Variants in SP140 observed in about 807,000 individuals in gnomAD.
SP140 encodes SP140 nuclear body protein, also known as nuclear body protein SP140.
A neutral mutation model predicts 125.0 loss-of-function variants in SP140; 81 were observed. That is an observed-to-expected ratio of 0.65 (90% CI 0.54 to 0.78). SP140 has a LOEUF of 0.78. SP140 is among the 30% of genes least tolerant of loss of function. SP140 has a pLI of 0.00. For missense variants in SP140, 858 were observed against 1,037.0 expected (o/e 0.83, Z 2.37); for synonymous variants, 312 against 354.0 (o/e 0.88, Z 1.33).
intron 12 of SP140, among the ~76,000 whole-genome samples, chr2:230,260,603 T>G (rs529415223): frequency 6.6e-6 from 1 of 152,366 alleles, no homozygotes; most frequent in Admixed American, 6.5e-5. Flanking sequence ...TTGATCCATC[T>G]TGAGTTGATT....
Position 230,211,422 on chromosome 2 carries a change from A to T in SP140, c.-322-2232A>T. On this transcript the variant is annotated intron_variant, in intron 1 of 4. Transcript: ENST00000456542. This position sits in a 1 kb window ranked among gnomAD's most constrained non-coding sequence, Gnocchi z 4.2. ...GATCCGAATGGCTTTTCCTCTTAGTAAACACAGAAACAAAGGCAAGCTTTT... is the reference window on the plus strand; with the variant it reads ...GATCCGAATGGCTTTTCCTCTTAGTTAACACAGAAACAAAGGCAAGCTTTT... 1 of 1,193,126 alleles carries T rather than the reference A, an allele frequency of 8.4e-7. No individual in the cohort carries two copies. The highest frequency in any genetic ancestry group is 1.3e-6 in the Non-Finnish European group (1 of 795,598). The allele number at this position is 1,193,126 out of a possible 1,614,324, so 73.9% of individuals were successfully genotyped here.
At chr2:230,254,934 G>GC (rs1559267174) in intron 11 of SP140, among the ~76,000 whole-genome samples, 1 of 152,242 alleles carries the variant, frequency 6.6e-6, no homozygotes, top group Admixed American at 6.5e-5. Flanking sequence ...TGTTGCCTTG[G>GC]CCCACTCTGC....
At chr2:230,277,881 T>C (rs532554042) in intron 15 of SP140, among the ~76,000 whole-genome samples, 71 of 152,272 alleles carry the variant, frequency 4.7e-4, no homozygotes, top group African/African-American at 1.7e-3. Context: ...TCCATTCATC[T>C]GTTGATAGAG....
At chr2:230,303,332 T>C (rs1316872231) in intron 22 of SP140, among the ~76,000 whole-genome samples, 3 of 152,066 alleles carry the variant, frequency 2.0e-5, no homozygotes, top group African/African-American at 7.2e-5. Context: ...TTCCTGGAAA[T>C]ATACAACCCT....
chr2:230,222,118 T>C (rs1159074815), upstream of SP140, among the ~76,000 whole-genome samples: 1 of 151,746 alleles, frequency 6.6e-6, no homozygotes, highest in East Asian at 1.9e-4. Flanking sequence ...TAATCCGAGC[T>C]ACTCGGGAGG....
intron 3 of SP140, chr2:230,219,728 TC>T (rs1319786318): frequency 6.1e-6 from 1 of 164,416 alleles, no homozygotes; most frequent in Non-Finnish European, 1.3e-5. Context: ...TTTAACAGTC[TC>T]CTAATAAGTA....
intron 12 of SP140, among the ~76,000 whole-genome samples, chr2:230,256,746 T>C (rs183500868): frequency 6.6e-6 from 1 of 152,228 alleles, no homozygotes; most frequent in East Asian, 1.9e-4. Context: ...GATACTTTTT[T>C]ATGATTTTTT....
chr2:230,216,760 G>A (rs1428522910), intron 3 of SP140: 2 of 1,613,270 alleles, frequency 1.2e-6, no homozygotes, highest in East Asian at 2.2e-5. Flanking sequence ...GGCTGCCATG[G>A]AAGGGTTCAA....
At chr2:230,246,162 C>G (rs1210976703) in intron 7 of SP140, among the ~76,000 whole-genome samples, 1 of 152,144 alleles carries the variant, frequency 6.6e-6, no homozygotes, top group Non-Finnish European at 1.5e-5. Context: ...TCCCCACATA[C>G]AGACAGAGAC....
chr2:230,199,965 A>G (rs1413793784), upstream of SP140, among the ~76,000 whole-genome samples: 1 of 152,166 alleles, frequency 6.6e-6, no homozygotes, highest in Non-Finnish European at 1.5e-5. Context: ...AAAAAAATCC[A>G]TTAATCCTTT....
At chr2:230,298,401 C>T (rs2057963646) in intron 22 of SP140, among the ~76,000 whole-genome samples, 1 of 152,164 alleles carries the variant, frequency 6.6e-6, no homozygotes, top group African/African-American at 2.4e-5. Flanking sequence ...CACACCTTAC[C>T]TCCAAAGCAG....
chr2:230,304,224 C>T (rs1209971001), intron 22 of SP140, among the ~76,000 whole-genome samples: 1 of 151,886 alleles, frequency 6.6e-6, no homozygotes, highest in African/African-American at 2.4e-5. Context: ...ACAAGGAAAA[C>T]TACAAAACAC....
At position 230,275,382 on chromosome 2, in the gene SP140, C is replaced by T. The variant is rs534700467; in HGVS notation, c.1498+4743C>T. On this transcript the variant is annotated intron_variant, in intron 15 of 26. Coordinates refer to ENST00000392045, the MANE Select transcript of SP140 (RefSeq NM_007237.5). ...GTCTCTGTCACATTTTGGTAATTCT[C>T]GCAATATTTCAAATTTTATTATTAT... is the stretch of plus-strand genomic sequence containing the variant. Among the ~76,000 whole-genome samples the T allele has an allele frequency of 6.6e-5, 10 of 152,160 alleles. No homozygotes were observed. In the East Asian group the frequency reaches 1.5e-3, roughly 23 times the overall value.
the SP140 span, among the ~76,000 whole-genome samples, chr2:230,189,387 T>C: frequency 6.6e-6 from 1 of 152,194 alleles, no homozygotes; most frequent in Non-Finnish European, 1.5e-5. Context: ...TATGTCACTG[T>C]TACCATTCAT....
chr2:230,232,355 G>A (rs770355663), intron 1 of SP140, among the ~76,000 whole-genome samples: 4 of 152,138 alleles, frequency 2.6e-5, no homozygotes, highest in East Asian at 1.9e-4. Context: ...AGTTGATCTC[G>A]GCTAATTCTC....
chr2:230,286,649 A>C (rs913497854), intron 17 of SP140, among the ~76,000 whole-genome samples: 12 of 152,096 alleles, frequency 7.9e-5, no homozygotes, highest in African/African-American at 2.2e-4. Context: ...ATAGAGCTTT[A>C]CTTCTACAAC....
chr2:230,205,676 C>G (rs2043703301), intron 1 of SP140, among the ~76,000 whole-genome samples: 2 of 151,984 alleles, frequency 1.3e-5, no homozygotes, highest in Non-Finnish European at 2.9e-5. Context: ...GAATAAATGT[C>G]TGAATGGTAC....
At chr2:230,214,372 T>G (rs2044855578) in intron 3 of SP140, among the ~76,000 whole-genome samples, 2 of 152,190 alleles carry the variant, frequency 1.3e-5, no homozygotes, top group South Asian at 4.1e-4. Flanking sequence ...GTTAAAATCT[T>G]GGGCCCTGGT....
chr2:230,255,296 C>T (rs1198553085), intron 11 of SP140, among the ~76,000 whole-genome samples, 156 bp from the exon 12 acceptor site: 1 of 152,148 alleles, frequency 6.6e-6, no homozygotes, highest in Admixed American at 6.5e-5. Flanking sequence ...CACCTACAGG[C>T]CAGGTGAACC....
Sources: gnomAD v4.1 joint callset for allele counts (sites outside exome capture counted in the v4.1 genomes callset) on GRCh38, gnomAD v4.1.1 for gene constraint, Gnocchi (gnomAD v3.1) non-coding constraint, MANE v1.5 for transcripts, NCBI Gene and HGNC (gene_info 2026-07-23, HGNC 2026-07-21) for gene names.